SEC14L1: variants seen among roughly 807,000 people sequenced by gnomAD.
The protein encoded by SEC14L1 is SEC14-like protein 1.
A neutral mutation model predicts 85.3 loss-of-function variants in SEC14L1; 48 were observed. That is an observed-to-expected ratio of 0.56 (90% CI 0.45 to 0.72). The LOEUF (loss-of-function observed/expected upper bound fraction) is 0.72. Ranked by LOEUF, SEC14L1 falls within the 30% of genes least tolerant of loss-of-function variation. The pLI is 0.00. For missense variants in SEC14L1, 682 were observed against 921.4 expected (o/e 0.74, Z 3.36); for synonymous variants, 391 against 355.5 (o/e 1.10, Z -1.12).
intron 3 of SEC14L1, among the ~76,000 whole-genome samples, chr17:77,182,328 G>T (rs1486700160): frequency 1.3e-5 from 2 of 152,166 alleles, no homozygotes; most frequent in Non-Finnish European, 2.9e-5. Flanking sequence ...TCAAAGGTTG[G>T]TTAAAAGCTG....
chr17:77,155,793 TG>T (rs1211077304), intron 3 of SEC14L1, among the ~76,000 whole-genome samples: 2 of 152,214 alleles, frequency 1.3e-5, no homozygotes, highest in African/African-American at 4.8e-5. Context: ...TAGAATGCAG[TG>T]GTGCCATCTC....
intron 3 of SEC14L1, among the ~76,000 whole-genome samples, chr17:77,144,227 C>A (rs1364633074): frequency 6.6e-6 from 1 of 152,268 alleles, no homozygotes; most frequent in African/African-American, 2.4e-5. Flanking sequence ...TCTTCTTTTC[C>A]TTTCTCTTTT....
intron 2 of SEC14L1, among the ~76,000 whole-genome samples, chr17:77,143,158 C>T (rs918535684): frequency 2.0e-5 from 3 of 152,162 alleles, no homozygotes; most frequent in African/African-American, 7.2e-5. Context: ...AACACGAGAT[C>T]ATTTTTATTT....
At chr17:77,180,945 A>G (rs550453006) in intron 3 of SEC14L1, 6 of 152,188 alleles carry the variant, frequency 3.9e-5, no homozygotes, top group African/African-American at 4.8e-5. Flanking sequence ...CTGATGAGGA[A>G]ACGAGGTGGG....
chr17:77,172,618 A>T (rs919082072), intron 3 of SEC14L1, among the ~76,000 whole-genome samples: 3 of 151,914 alleles, frequency 2.0e-5, no homozygotes, highest in African/African-American at 7.3e-5. Flanking sequence ...CCAGTTCTCT[A>T]TTTTCTATAA....
At chr17:77,120,380 G>A (rs1016012558) in intron 3 of SEC14L1, among the ~76,000 whole-genome samples, 1 of 152,090 alleles carries the variant, frequency 6.6e-6, no homozygotes, top group African/African-American at 2.4e-5. Context: ...CGAGGACAGA[G>A]GTCTAGAACG....
intron 3 of SEC14L1, among the ~76,000 whole-genome samples, chr17:77,168,211 A>G (rs757960511): frequency 1.1e-4 from 17 of 152,348 alleles, no homozygotes; most frequent in Middle Eastern, 3.4e-3. Context: ...GGGCTTCTGA[A>G]CAAAGAGCAA....
chr17:77,104,113 G>A lies in SEC14L1; in HGVS notation c.-136+10766G>A, dbSNP rs1318112634. ...GACCGTATCCAAAGGACTCTTTTTT[G>A]TATTTACTTTTTTTTTTTTTTTTTT... On this transcript the variant is annotated intron_variant, in intron 3 of 19. Transcript: ENST00000392476. 9.6e-5 allele frequency among the ~76,000 whole-genome samples: 14 copies of A among 146,182 alleles called. No individual in the cohort carries two copies. In the East Asian group the frequency reaches 2.8e-3, roughly 30 times the overall value.
chr17:77,104,892 C>T (rs1311575861), intron 3 of SEC14L1, among the ~76,000 whole-genome samples: 1 of 151,434 alleles, frequency 6.6e-6, no homozygotes, highest in Admixed American at 6.6e-5. Flanking sequence ...GGACACATAC[C>T]CAAGGTGGTC....
In SEC14L1 at chr17:77,214,373, C is replaced by T. The variant is rs376913662; in HGVS notation, c.*350C>T. 1 of 1,027,422 alleles carries T rather than the reference C, an allele frequency of 9.7e-7. No homozygotes were observed. The highest frequency in any genetic ancestry group is 3.8e-5 in the South Asian group (1 of 26,606). The allele number at this position is 1,027,422 out of a possible 1,614,324, so 63.6% of individuals were successfully genotyped here. On this transcript the variant is annotated 3_prime_UTR_variant, in exon 17 of 17. Coordinates refer to ENST00000436233, the MANE Select transcript of SEC14L1 (RefSeq NM_001143998.2). ...TTTTTCCAACGAACTCCGCATTGTC[C>T]ATTAGTGAATGAATTCCTGTGACAT...
chr17:77,091,814 AT>A (rs55839227), intron 2 of SEC14L1, among the ~76,000 whole-genome samples: 3,918 of 144,666 alleles, frequency 0.027, 71 homozygotes, highest in Admixed American at 0.057. Context: ...AGTTTATGAA[AT>A]TTTTTTTTTT....
intron 3 of SEC14L1, among the ~76,000 whole-genome samples, chr17:77,099,548 G>A (rs746263618): frequency 1.2e-4 from 19 of 152,180 alleles, no homozygotes; most frequent in Non-Finnish European, 2.5e-4. Context: ...TTTGAGGTCA[G>A]GAGTTCGAGG....
chr17:77,140,575 T>C (rs1468343021), upstream of SEC14L1, among the ~76,000 whole-genome samples: 1 of 151,888 alleles, frequency 6.6e-6, no homozygotes, highest in African/African-American at 2.4e-5. Flanking sequence ...CCCGCAAACT[T>C]CCCTTTTCCC....
rs180867009 is a variant in SEC14L1, at chr17:77,214,681, A to G, written c.*658A>G. ...AGGGACTCCTGGTGACTCCAGGAAA[A>G]TGCTGCCATCGTTAAACATTACTTT... On this transcript the variant is annotated 3_prime_UTR_variant, in exon 17 of 17. Transcript: ENST00000436233. 9.7e-5 allele frequency: 96 copies of G among 985,584 alleles called. No individual in the cohort carries two copies. In the African/African-American group the frequency reaches 1.6e-3, roughly 17 times the overall value. 61.1% of individuals were successfully genotyped at this position (985,584 alleles called of 1,614,324 possible).
At chr17:77,212,576 G>C (rs1226756748) in intron 15 of SEC14L1, 5 of 246,618 alleles carry the variant, frequency 2.0e-5, no homozygotes, top group African/African-American at 2.3e-5. Flanking sequence ...CAAGTACTTA[G>C]AGAACTATTA....
chr17:77,141,278 CCCGCCCCCCTGCTCGCCCT>C (rs1283701724), intron 1 of SEC14L1, 171 bp downstream of exon 1: 1 of 141,328 alleles, frequency 7.1e-6, no homozygotes, highest in South Asian at 2.4e-4. Context: ...GGGCCGTGCC[CCCGCCCCCCTGCTCGCCCT>C]CCGCCCCCCT....
chr17:77,195,527 G>T (rs1024254106), intron 7 of SEC14L1, among the ~76,000 whole-genome samples: 2 of 151,798 alleles, frequency 1.3e-5, no homozygotes, highest in Admixed American at 6.6e-5. Context: ...AGTCTCTGTC[G>T]CCCAGGCTGC....
intron 9 of SEC14L1, among the ~76,000 whole-genome samples, chr17:77,201,325 C>T (rs557533121): frequency 2.6e-5 from 4 of 152,182 alleles, no homozygotes; most frequent in Admixed American, 6.5e-5. Flanking sequence ...AGGGAAGCAC[C>T]GTAGAACTGG....
At chr17:77,100,058 G>A (rs1042365569) in intron 3 of SEC14L1, among the ~76,000 whole-genome samples, 2 of 152,214 alleles carry the variant, frequency 1.3e-5, no homozygotes, top group African/African-American at 4.8e-5. Flanking sequence ...CTGCTCTGGC[G>A]CTCCCAGCGG....
Sources: gnomAD v4.1 joint callset for allele counts (sites outside exome capture counted in the v4.1 genomes callset) on GRCh38, gnomAD v4.1.1 for gene constraint, MANE v1.5 for transcripts, NCBI Gene and HGNC (gene_info 2026-07-23, HGNC 2026-07-21) for gene names.